The following NEB variants were observed in gnomAD, a reference collection of about 807,000 sequenced individuals.
NEB encodes the protein nebulin.
NEB carries 512 observed loss-of-function variants against 952.2 expected under a neutral mutation model. The ratio of observed to expected loss-of-function variants is 0.54; its 90% CI spans 0.50 to 0.58. NEB has a LOEUF of 0.58. Ranked by LOEUF, NEB falls within the 20% of genes least tolerant of loss-of-function variation. The probability of loss-of-function intolerance (pLI) is 0.00; values close to 1 mark genes in which losing one functional copy is unlikely to be tolerated. For missense variants in NEB, 8,428 were observed against 9,231.1 expected, an observed-to-expected ratio of 0.91 and a Z score of 3.56; for synonymous variants, 2,900 against 3,149.8, an observed-to-expected ratio of 0.92 and a Z score of 2.66.
intron 39 of NEB, 116 bp from the exon 40 acceptor site, chr2:151,668,027 T>C: frequency 1.4e-6 from 1 of 730,812 alleles, no homozygotes; most frequent in South Asian, 1.9e-5. Flanking sequence ...ATTAAGACAA[T>C]CTATGAAGTT....
At position 151,496,375 on chromosome 2, in the gene NEB, G is replaced by A. The variant is rs747680930; in HGVS notation, c.24394-7C>T. ...TGTTTTCTTTGTATAACACCTGTGC[G>A]ATGAGAAAGCATCCAGAAAAACAAC... On this transcript the variant is annotated splice_polypyrimidine_tract_variant and splice_region_variant and intron_variant, in intron 172 of 181. Transcript: ENST00000397345. 1.0e-5 allele frequency: 16 copies of A among 1,600,704 alleles called. No individual in the cohort carries two copies. The highest frequency in any genetic ancestry group is 6.8e-5 in the Admixed American group (4 of 58,566).
chr2:151,557,434 G>A (rs1444482176), intron 124 of NEB, among the ~76,000 whole-genome samples: 1 of 152,130 alleles, frequency 6.6e-6, no homozygotes. Flanking sequence ...GATTCTACCA[G>A]AGGTACAAGG....
In NEB at chr2:151,682,746, A is replaced by C. The variant is rs1221333192; in HGVS notation, c.2859T>G (p.Asn953Lys). The part of the protein sequence containing the change: ...QSDVEYKADY[N>K]SWMKGCGWVP... ...CCCAGCCACAACCTTTCATCCAGCT[A>C]TTGTAGTCAGCTTTGTATTCAACCT... The change falls in exon 29 of 182, where the codon AAT becomes AAG. Residue 953 changes from asparagine (N) to lysine (K), a missense_variant. Physicochemically the swap from Asn to Lys is moderately conservative, Grantham distance 94 (BLOSUM62 0). This residue lies in a region of NEB where 2,851 missense variants were observed against 2,791.5 expected (regional missense o/e 1.02). Coordinates refer to ENST00000397345, the MANE Select transcript of NEB (RefSeq NM_001164508.2). 6.2e-7 allele frequency: 1 copy of C among 1,613,268 alleles called. No homozygotes were observed. The highest frequency in any genetic ancestry group is 2.2e-5 in the East Asian group (1 of 44,864).
At chr2:151,637,617 G>A (rs998620335) in intron 63 of NEB, among the ~76,000 whole-genome samples, 7 of 152,178 alleles carry the variant, frequency 4.6e-5, no homozygotes, top group South Asian at 2.1e-4. Flanking sequence ...ACTGGCAGCC[G>A]AGTAGCCGCA....
intron 164 of NEB, among the ~76,000 whole-genome samples, 161 bp from the exon 165 acceptor site, chr2:151,505,731 G>A (rs139367179): frequency 8.5e-5 from 13 of 152,258 alleles, no homozygotes; most frequent in Non-Finnish European, 1.5e-4. Flanking sequence ...TCTGATACTG[G>A]GTAAGAGGAG....
chr2:151,490,495 C>G lies in NEB; in HGVS notation c.25174G>C (p.Glu8392Gln), dbSNP rs121913662. The part of the protein sequence containing the change: ...INVQAQRRSR[E>Q]QSRSASALSI... ...AGTGCACTGGCAGATCGTGACTGCT[C>G]CCGGCTCCGGCGCTGAGCTTGGACT... Residue 8392 changes from glutamate (E) to glutamine (Q), a missense_variant, in exon 180 of 182, where the codon GAG (glutamate) becomes CAG (glutamine). This residue lies in a region of NEB where 3,374 missense variants were observed against 3,651.5 expected (regional missense o/e 0.92). Coordinates refer to ENST00000397345, the MANE Select transcript of NEB (RefSeq NM_001164508.2). 6.2e-7 allele frequency: 1 copy of G among 1,609,340 alleles called. No individual in the cohort carries two copies. The highest frequency in any genetic ancestry group is 8.5e-7 in the Non-Finnish European group (1 of 1,177,920).
rs7602626 is a variant in NEB at position 151,660,416 on chromosome 2, A to G, written c.5971-1247T>C. Among the ~76,000 whole-genome samples, 162 of 152,318 alleles carry G rather than the reference A, an allele frequency of 1.1e-3. 2 individuals are homozygous for G. The highest frequency in any genetic ancestry group is 3.3e-3 in the African/African-American group (139 of 41,584). ...CATATATAAGGATTTCTATAGGGTA[A>G]TGATACCTGAGTTTTAAATTTTAAC... On this transcript the variant is annotated intron_variant, in intron 46 of 181. Coordinates refer to ENST00000397345, the MANE Select transcript of NEB (RefSeq NM_001164508.2).
intron 138 of NEB, 92 bp from the exon 139 acceptor site, chr2:151,538,336 G>C: frequency 1.1e-6 from 1 of 949,768 alleles, no homozygotes; most frequent in Non-Finnish European, 1.6e-6. Flanking sequence ...CTTCTCTCTG[G>C]TTTTCCCATG....
chr2:151,545,230 G>A (rs1008771806), intron 135 of NEB, among the ~76,000 whole-genome samples: 1 of 152,180 alleles, frequency 6.6e-6, no homozygotes, highest in South Asian at 2.1e-4. Context: ...AGGAATTAAA[G>A]AGAAAGAAAA....
At chr2:151,507,593 C>T in intron 162 of NEB, 1 of 197,870 alleles carries the variant, frequency 5.1e-6, no homozygotes, top group Non-Finnish European at 1.0e-5. Flanking sequence ...TGGATCATAC[C>T]CCTCTTTGTC....
rs2099544250 is a variant in NEB at position 151,690,915 on chromosome 2, G to A, written c.2212-90C>T. ...AAAAATGGTTCCAGGTCAAAACAGA[G>A]TTTATTTTGTTCCTGAAAACTTAGT... is the stretch of plus-strand genomic sequence containing the variant. On this transcript the variant is annotated intron_variant, in intron 23 of 181. Transcript: ENST00000397345. 4 of 914,826 alleles carry A rather than the reference G, an allele frequency of 4.4e-6. No individual in the cohort carries two copies. In the Admixed American group the frequency reaches 6.1e-5, roughly 14 times the overall value. 56.7% of individuals were successfully genotyped at this position (914,826 alleles called of 1,614,324 possible). A position where few individuals can be genotyped will look rare whatever the true frequency, so the allele number is the denominator to read the frequency against.
chr2:151,665,561 T>C (rs2099204666), intron 41 of NEB, 22 bp from the exon 42 acceptor site: 1 of 1,532,152 alleles, frequency 6.5e-7, no homozygotes, highest in South Asian at 1.2e-5. Context: ...GAAAAAAAAT[T>C]TCATTTCAGA....
chr2:151,497,423 T>TA (rs2060964961), intron 171 of NEB: 3 of 978,322 alleles, frequency 3.1e-6, no homozygotes, highest in African/African-American at 1.8e-5. Context: ...CCAGATGAAA[T>TA]AAAAAATTGA....
At chr2:151,649,871 A>G (rs998933460) in intron 54 of NEB, among the ~76,000 whole-genome samples, 2 of 152,162 alleles carry the variant, frequency 1.3e-5, no homozygotes, top group Non-Finnish European at 1.5e-5. Flanking sequence ...CTCTACCCCA[A>G]CAAAAAACAT....
chr2:151,617,222 A>G (rs2098229226), intron 75 of NEB, 142 bp downstream of exon 75: 1 of 526,526 alleles, frequency 1.9e-6, no homozygotes, highest in African/African-American at 1.9e-5. Context: ...CTCAAAATTG[A>G]ATCAAGTGAG....
At chr2:151,691,806 C>T (rs2099553529) in intron 23 of NEB, 58 bp downstream of exon 23, 1 of 1,187,732 alleles carries the variant, frequency 8.4e-7, no homozygotes, top group Middle Eastern at 1.9e-4. Context: ...CTAAATTTAC[C>T]ACTAGATGTC....
intron 65 of NEB, 115 bp downstream of exon 65, chr2:151,633,539 T>C (rs2098707424): frequency 7.4e-7 from 1 of 1,360,146 alleles, no homozygotes; most frequent in Non-Finnish European, 9.8e-7. Flanking sequence ...CTGATTTAAA[T>C]CTTATTCATG....
chr2:151,541,874 T>C (rs1442844547), intron 135 of NEB, among the ~76,000 whole-genome samples: 1 of 152,192 alleles, frequency 6.6e-6, no homozygotes, highest in Non-Finnish European at 1.5e-5. Context: ...CCTTCCTGTT[T>C]TCCCAATCCC....
chr2:151,517,465 A>C (rs1225040241), intron 156 of NEB, among the ~76,000 whole-genome samples: 1 of 152,256 alleles, frequency 6.6e-6, no homozygotes, highest in East Asian at 1.9e-4. Flanking sequence ...TTTGTGATAT[A>C]GGAGGTCATG....
Sources: allele counts gnomAD v4.1 joint callset (sites outside exome capture counted in the v4.1 genomes callset), GRCh38; gene constraint gnomAD v4.1.1; regional missense constraint gnomAD v4.1.1; transcripts MANE v1.5; gene names NCBI Gene and HGNC (gene_info 2026-07-23, HGNC 2026-07-21).